Variants in INSL6 observed in about 807,000 individuals in gnomAD.
INSL6 encodes insulin like 6, also known as insulin-like peptide INSL6.
A neutral mutation model predicts 9.4 loss-of-function variants in INSL6; 16 were observed. That is an observed-to-expected ratio of 1.70 (90% CI 1.15 to 2.59). The LOEUF is 2.59. Among genes scored for constraint, INSL6 ranks in the 30% most tolerant of loss-of-function variants. The pLI is 0.00. For missense variants in INSL6, 391 were observed against 257.3 expected, an observed-to-expected ratio of 1.52 and a Z score of -3.56; for synonymous variants, 154 against 96.9, an observed-to-expected ratio of 1.59 and a Z score of -3.46.
At chr9:5,111,189 C>T in the INSL6 span, 2 of 677,880 alleles carry the variant, frequency 3.0e-6, no homozygotes, top group African/African-American at 1.8e-5. Context: ...CATTCACATT[C>T]CTGGGACCGG....
the INSL6 span, among the ~76,000 whole-genome samples, chr9:5,113,001 A>G: frequency 6.6e-6 from 1 of 152,074 alleles, no homozygotes; most frequent in African/African-American, 2.4e-5. Context: ...GCTCAGAGTG[A>G]TGGGGGCAAG....
the INSL6 span, among the ~76,000 whole-genome samples, chr9:5,035,502 G>A: frequency 6.6e-6 from 1 of 152,100 alleles, no homozygotes; most frequent in African/African-American, 2.4e-5. Context: ...CTGGCAAACC[G>A]AATCCAGCAG....
chr9:5,002,410 A>C, the INSL6 span, among the ~76,000 whole-genome samples: 12 of 151,980 alleles, frequency 7.9e-5, no homozygotes, highest in African/African-American at 2.9e-4. Flanking sequence ...ATTTAGAACT[A>C]TGTTAATTTT....
the INSL6 span, among the ~76,000 whole-genome samples, chr9:5,102,052 C>T: frequency 3.3e-5 from 5 of 152,266 alleles, 1 homozygote; most frequent in South Asian, 1.0e-3. Flanking sequence ...GACGAGCTGA[C>T]AGAAGTAGGC....
At chr9:5,068,725 G>A in the INSL6 span, among the ~76,000 whole-genome samples, 1 of 152,278 alleles carries the variant, frequency 6.6e-6, no homozygotes, top group South Asian at 2.1e-4. Context: ...ATTTGTTTTA[G>A]GCTTTATCTT....
the INSL6 span, among the ~76,000 whole-genome samples, chr9:5,059,115 G>A: frequency 6.6e-6 from 1 of 152,038 alleles, no homozygotes; most frequent in South Asian, 2.1e-4. Flanking sequence ...CTAATCTTAC[G>A]TGTATAGCTC....
At chr9:5,038,555 T>C in the INSL6 span, among the ~76,000 whole-genome samples, 1 of 151,784 alleles carries the variant, frequency 6.6e-6, no homozygotes, top group Non-Finnish European at 1.5e-5. Context: ...TGAATATGTC[T>C]TATCTGAAAT....
At chr9:5,136,236 T>C (rs971236296) in intron 2 of INSL6, among the ~76,000 whole-genome samples, 97 of 152,198 alleles carry the variant, frequency 6.4e-4, no homozygotes, top group African/African-American at 1.9e-3. Context: ...TTCCAAACAA[T>C]TGAAAAAGAG....
the INSL6 span, chr9:5,111,122 C>T: frequency 1.7e-6 from 2 of 1,187,962 alleles, no homozygotes; most frequent in Non-Finnish European, 2.4e-6. Context: ...TCCTTTGACC[C>T]CAGCTGGACG....
the INSL6 span, among the ~76,000 whole-genome samples, chr9:5,019,926 G>C: frequency 5.4e-4 from 82 of 152,328 alleles, no homozygotes; most frequent in Non-Finnish European, 6.9e-4. Context: ...AGTTGTGGCA[G>C]CAGTTGGACA....
At chr9:5,143,830 T>C (rs1337130287) in intron 2 of INSL6, among the ~76,000 whole-genome samples, 4 of 152,096 alleles carry the variant, frequency 2.6e-5, no homozygotes, top group Non-Finnish European at 1.5e-5. Context: ...CTGCTAATTT[T>C]TGTATTTGTA....
chr9:5,146,770 G>A (rs1824607931), intron 2 of INSL6, among the ~76,000 whole-genome samples: 1 of 152,204 alleles, frequency 6.6e-6, no homozygotes, highest in African/African-American at 2.4e-5. Context: ...CAGTTGTGTG[G>A]GTTTGGGGGA....
At chr9:5,060,439 G>C in the INSL6 span, among the ~76,000 whole-genome samples, 8 of 152,158 alleles carry the variant, frequency 5.3e-5, no homozygotes, top group Non-Finnish European at 1.2e-4. Context: ...ACTGCTTTAT[G>C]TACTAAACTT....
At chr9:5,038,180 C>T in the INSL6 span, among the ~76,000 whole-genome samples, 37,196 of 151,974 alleles carry the variant, frequency 0.24, 4,817 homozygotes, top group South Asian at 0.31. Context: ...TTAATGCCAA[C>T]AAATTAGAGG....
intron 2 of INSL6, among the ~76,000 whole-genome samples, chr9:5,151,881 T>C (rs920899706): frequency 1.6e-4 from 24 of 152,148 alleles, no homozygotes; most frequent in African/African-American, 3.9e-4. Context: ...CAATGACACG[T>C]TGTTTACAAG....
At chr9:5,171,019 C>G (rs377225148) in intron 1 of INSL6, among the ~76,000 whole-genome samples, 3 of 152,240 alleles carry the variant, frequency 2.0e-5, no homozygotes, top group African/African-American at 7.2e-5. Flanking sequence ...ATACCAAAAC[C>G]TGACAGATAC....
intron 2 of INSL6, among the ~76,000 whole-genome samples, chr9:5,138,939 CAGG>C (rs1258115387): frequency 3.3e-5 from 5 of 151,896 alleles, no homozygotes; most frequent in South Asian, 2.1e-4. Flanking sequence ...TCAAGAAAAG[CAGG>C]AGATTTTAAC....
chr9:5,016,017 A>G, the INSL6 span, among the ~76,000 whole-genome samples: 1 of 152,244 alleles, frequency 6.6e-6, no homozygotes, highest in Non-Finnish European at 1.5e-5. Context: ...GTACAGAAGT[A>G]GGCATTGGAG....
At chr9:5,113,962 C>G in the INSL6 span, 3 of 271,758 alleles carry the variant, frequency 1.1e-5, no homozygotes, top group South Asian at 1.2e-4. Context: ...TGGGTACACC[C>G]AGGTGCCATC....
Sources: allele counts gnomAD v4.1 joint callset (sites outside exome capture counted in the v4.1 genomes callset), GRCh38; gene constraint gnomAD v4.1.1; transcripts MANE v1.5; gene names NCBI Gene and HGNC (gene_info 2026-07-23, HGNC 2026-07-21).